Variants in ZNF850 observed in about 807,000 individuals in gnomAD.
ZNF850 encodes putative zinc finger protein ENSP00000330994.
ZNF850 carries 2 observed loss-of-function variants against 11.9 expected under a neutral mutation model. The ratio of observed to expected loss-of-function variants is 0.17; its 90% CI spans 0.07 to 0.53. The LOEUF (loss-of-function observed/expected upper bound fraction) is 0.53. Among genes scored for constraint, ZNF850 ranks in the 20% least tolerant of loss-of-function variants. The pLI is 0.94. For synonymous variants in ZNF850, 381 were observed against 443.0 expected (o/e 0.86, Z 1.76); for missense variants, 1,014 against 1,316.4 (o/e 0.77, Z 3.55).
Position 36,770,703 on chromosome 19 carries a change from C to CAA in ZNF850, c.-70+2020_-70+2021dup, listed in dbSNP as rs567709722. The stretch of plus-strand genomic sequence containing the variant: ...TCTGGGCGACAGAGAGAGACTCCAT[C>CAA]AAAAAAAAAAAAAAAAAAAAAAAAA... On this transcript the variant is annotated intron_variant, in intron 1 of 4. Coordinates refer to ENST00000591344, the MANE Select transcript of ZNF850 (RefSeq NM_001193552.2). 8.0e-3 allele frequency among the ~76,000 whole-genome samples: 530 copies of CAA among 66,490 alleles called. 109 individuals are homozygous for CAA. Among genetic ancestry groups the CAA allele is most frequent in the East Asian group, 0.024 (37 of 1,562 alleles). The allele number at this position is 66,490 out of a possible 152,430, so 43.6% of individuals were successfully genotyped here. A position where few individuals can be genotyped will look rare whatever the true frequency, so the allele number is the denominator to read the frequency against.
chr19:36,756,039 G>A (rs150198253), intron 4 of ZNF850, among the ~76,000 whole-genome samples: 215 of 151,500 alleles, frequency 1.4e-3, no homozygotes, highest in African/African-American at 4.9e-3. Context: ...CCTAGTAGCT[G>A]GGATTACAGG....
At chr19:36,754,634 C>T (rs1328627192) in intron 4 of ZNF850, among the ~76,000 whole-genome samples, 2 of 152,092 alleles carry the variant, frequency 1.3e-5, no homozygotes, top group Non-Finnish European at 2.9e-5. Context: ...CAGCTCACTG[C>T]AACCTCTGCC....
intron 4 of ZNF850, among the ~76,000 whole-genome samples, chr19:36,753,421 T>TGAAAAAAAAA (rs1568735232): frequency 1.3e-4 from 1 of 7,700 alleles, no homozygotes; most frequent in African/African-American, 4.5e-4. Flanking sequence ...GGACACTGTC[T>TGAAAAAAAAA]CAAAAAAAAA....
chr19:36,769,967 A>G (rs1484173175), intron 1 of ZNF850, among the ~76,000 whole-genome samples: 1 of 152,200 alleles, frequency 6.6e-6, no homozygotes, highest in Non-Finnish European at 1.5e-5. Flanking sequence ...GACGGGTTCA[A>G]TTTGGGATTC....
chr19:36,763,318 A>C (rs1050491649), intron 1 of ZNF850, among the ~76,000 whole-genome samples: 1 of 152,154 alleles, frequency 6.6e-6, no homozygotes, highest in Non-Finnish European at 1.5e-5. Context: ...AGGCGGATGG[A>C]TCACCTGAGG....
chr19:36,761,124 C>G (rs2040515375), intron 4 of ZNF850, among the ~76,000 whole-genome samples: 1 of 152,008 alleles, frequency 6.6e-6, no homozygotes, highest in Non-Finnish European at 1.5e-5. Context: ...GAGGGTAGCA[C>G]AGACTGAAGA....
Position 36,753,404 on chromosome 19 carries a change from C to T in ZNF850, c.236-2600G>A, listed in dbSNP as rs1025223470. Among the ~76,000 whole-genome samples, 13 of 117,450 alleles carry T rather than the reference C, an allele frequency of 1.1e-4. No individual in the cohort carries two copies. In the Admixed American group the frequency reaches 1.4e-3, roughly 13 times the overall value. 77.1% of individuals were successfully genotyped at this position (117,450 alleles called of 152,430 possible). On this transcript the variant is annotated intron_variant, in intron 4 of 4. Transcript: ENST00000591344. Reference sequence around the variant, plus strand: ...AGGAGTTCAAGACCAGCCTGGGCAACAGCCTGGGACACTGTCTCAAAAAAA... The same window carrying T: ...AGGAGTTCAAGACCAGCCTGGGCAATAGCCTGGGACACTGTCTCAAAAAAA...
chr19:36,755,027 C>T (rs1388639772), intron 4 of ZNF850, among the ~76,000 whole-genome samples: 2 of 152,078 alleles, frequency 1.3e-5, no homozygotes, highest in African/African-American at 4.8e-5. Context: ...GAATCCCCAC[C>T]CCCACAAAAA....
chr19:36,771,344 C>A (rs751975800), intron 1 of ZNF850, among the ~76,000 whole-genome samples: 1 of 152,242 alleles, frequency 6.6e-6, no homozygotes, highest in African/African-American at 2.4e-5. Flanking sequence ...GGGACCTTAG[C>A]CCGGGACCAA....
rs1295637272 is a variant in ZNF850, at chr19:36,749,213, T to C, written c.1827A>G (p.Gln609=). ...TVGSTLLQHQ[Q]IHTGEKPYDC... ...CATAAGGTTTCTCACCAGTGTGAAT[T>C]TGCTGATGTTGAAGTAGTGTTGAGC... The change falls in exon 5 of 5, where the codon CAA becomes CAG. Residue 609 remains glutamine, a synonymous_variant. Coordinates refer to ENST00000591344, the MANE Select transcript of ZNF850 (RefSeq NM_001193552.2). 1 of 1,599,644 alleles carries C rather than the reference T, an allele frequency of 6.3e-7. No homozygotes were observed. Among genetic ancestry groups the C allele is most frequent in the Non-Finnish European group, 8.5e-7 (1 of 1,175,112 alleles).
At chr19:36,751,528 G>GTCTC (rs1317568750) in intron 4 of ZNF850, among the ~76,000 whole-genome samples, 1 of 151,620 alleles carries the variant, frequency 6.6e-6, no homozygotes, top group Admixed American at 6.6e-5. Context: ...GTGAAACCCT[G>GTCTC]TCTCTATTAA....
In ZNF850 at chr19:36,747,643, A is replaced by C. The variant is rs2040420299; in HGVS notation, c.*124T>G. ...AGAGCAAGACTCCGTCTCAAAAAAA[A>C]AAAAAAAAGTCGTAATTCTGGAAAA... On this transcript the variant is annotated 3_prime_UTR_variant, in exon 5 of 5. Coordinates refer to ENST00000591344, the MANE Select transcript of ZNF850 (RefSeq NM_001193552.2). 4 of 1,152,914 alleles carry C rather than the reference A, an allele frequency of 3.5e-6. No individual in the cohort carries two copies. The highest frequency in any genetic ancestry group is 4.7e-6 in the Non-Finnish European group (4 of 855,558). The allele number at this position is 1,152,914 out of a possible 1,614,324, so 71.4% of individuals were successfully genotyped here. A position where few individuals can be genotyped will look rare whatever the true frequency, so the allele number is the denominator to read the frequency against.
At chr19:36,769,605 T>C (rs1249571916) in intron 1 of ZNF850, among the ~76,000 whole-genome samples, 1 of 151,896 alleles carries the variant, frequency 6.6e-6, no homozygotes. Context: ...ACCTCAAAAA[T>C]AAAAATAAAT....
rs2040449235 is a variant in ZNF850, at chr19:36,750,821, A to C, written c.236-17T>G. 6.8e-7 allele frequency: 1 copy of C among 1,479,274 alleles called. No homozygotes were observed. Among genetic ancestry groups the C allele is most frequent in the Non-Finnish European group, 8.9e-7 (1 of 1,121,736 alleles). The allele number at this position is 1,479,274 out of a possible 1,614,324, so 91.6% of individuals were successfully genotyped here. On this transcript the variant is annotated splice_polypyrimidine_tract_variant and intron_variant, in intron 4 of 4. Transcript: ENST00000591344. ...ACTCCGAGTCTGAAAAATAACCAGA[A>C]AGCAAAAACATAGCATTTCCTTGTT...
At chr19:36,763,708 T>C (rs1210069628) in intron 1 of ZNF850, among the ~76,000 whole-genome samples, 1 of 151,860 alleles carries the variant, frequency 6.6e-6, no homozygotes, top group East Asian at 1.9e-4. Context: ...GCAGATGAAT[T>C]GCTTGAGCTC....
At position 36,760,621 on chromosome 19, in the gene ZNF850, T is replaced by C. The variant is rs567281759; in HGVS notation, c.235+1022A>G. On this transcript the variant is annotated intron_variant, in intron 4 of 4. Coordinates refer to ENST00000591344, the MANE Select transcript of ZNF850 (RefSeq NM_001193552.2). ...GGCTCACACCTGTAATCCTGGCACT[T>C]TGGGAGACCGAGGCAGGTGGATCAC... Among the ~76,000 whole-genome samples, 175 of 152,048 alleles carry C rather than the reference T, an allele frequency of 1.2e-3. 1 individual carries two copies. Among genetic ancestry groups the C allele is most frequent in the African/African-American group, 4.1e-3 (169 of 41,484 alleles).
intron 4 of ZNF850, among the ~76,000 whole-genome samples, chr19:36,756,643 T>G (rs1341080790): frequency 6.6e-6 from 1 of 152,182 alleles, no homozygotes; most frequent in African/African-American, 2.4e-5. Flanking sequence ...AGACAGAGTC[T>G]TGCTCTGTTG....
In ZNF850 at chr19:36,748,322, A is replaced by G; in HGVS notation, c.2718T>C (p.Phe906=). Residue 906 remains phenylalanine (F), a synonymous_variant, in exon 5 of 5, where the codon TTT becomes TTC. Coordinates refer to ENST00000591344, the MANE Select transcript of ZNF850 (RefSeq NM_001193552.2). ...GTTGAGTAAGTTTTGAACGACGTCT[A>G]AAGGCCTTGCCACATTCCTTACAAT... ...PYDCKECGKA[F]RRRSKLTQHQ... 6.3e-7 allele frequency: 1 copy of G among 1,590,950 alleles called. No homozygotes were observed. Among genetic ancestry groups the G allele is most frequent in the Non-Finnish European group, 8.5e-7 (1 of 1,171,678 alleles).
intron 4 of ZNF850, among the ~76,000 whole-genome samples, chr19:36,755,510 C>T (rs576905049): frequency 2.0e-5 from 3 of 152,106 alleles, no homozygotes; most frequent in Non-Finnish European, 4.4e-5. Context: ...CATGAGCCAC[C>T]GCACCTGGCC....
Sources: gnomAD v4.1 joint callset for allele counts (sites outside exome capture counted in the v4.1 genomes callset) on GRCh38, gnomAD v4.1.1 for gene constraint, MANE v1.5 for transcripts, NCBI Gene and HGNC (gene_info 2026-07-23, HGNC 2026-07-21) for gene names.